Variants in FAT3 observed in about 807,000 individuals in gnomAD.
FAT3 encodes FAT atypical cadherin 3.
A neutral mutation model predicts 310.2 loss-of-function variants in FAT3; 95 were observed. The observed-to-expected ratio is 0.31, with a 90% CI of 0.26 to 0.36. The LOEUF is 0.36. Ranked by LOEUF, FAT3 falls within the 10% of genes least tolerant of loss-of-function variation. FAT3 has a pLI of 1.00. For missense variants in FAT3, 5,408 were observed against 5,715.6 expected (o/e 0.95, Z 1.74); for synonymous variants, 2,314 against 2,192.9 (o/e 1.06, Z -1.54).
chr11:92,374,006 C>T (rs545857540), intron 2 of FAT3, among the ~76,000 whole-genome samples: 54 of 142,074 alleles, frequency 3.8e-4, no homozygotes, highest in African/African-American at 1.4e-3. Flanking sequence ...AGTCTGTGGC[C>T]AAAGGACTCT....
chr11:92,459,339 A>G (rs142930186), intron 2 of FAT3, among the ~76,000 whole-genome samples: 47 of 152,272 alleles, frequency 3.1e-4, no homozygotes, highest in Non-Finnish European at 6.3e-4. Flanking sequence ...CTGCTCCTGT[A>G]GTGCCCAGGA....
Position 92,442,142 on chromosome 11 carries a change from C to G in FAT3, c.3293-82492C>G, listed in dbSNP as rs1264459235. Among the ~76,000 whole-genome samples the G allele has an allele frequency of 1.1e-4, 7 of 64,768 alleles. No individual in the cohort carries two copies. In the Admixed American group the frequency reaches 1.2e-3, roughly 11 times the overall value. 42.5% of individuals were successfully genotyped at this position (64,768 alleles called of 152,430 possible). On this transcript the variant is annotated intron_variant, in intron 2 of 27. Transcript: ENST00000525166. ...TTTTTTTTTTTTTTTGAGATGGAGT[C>G]TCTCTCTGTTGCCCAGGCTGGAGTG...
At chr11:92,304,384 C>T (rs1947070146) in intron 1 of FAT3, among the ~76,000 whole-genome samples, 1 of 152,034 alleles carries the variant, frequency 6.6e-6, no homozygotes, top group East Asian at 1.9e-4. Flanking sequence ...TTTACAGTTT[C>T]AGGGAGGGAT....
chr11:92,389,882 G>A (rs957950428), intron 2 of FAT3, among the ~76,000 whole-genome samples: 24 of 152,010 alleles, frequency 1.6e-4, no homozygotes, highest in Admixed American at 1.3e-3. Flanking sequence ...TTTTTACCCC[G>A]TCTTATGTAT....
At chr11:92,235,694 G>C (rs1378793263) in intron 1 of FAT3, among the ~76,000 whole-genome samples, 1 of 152,198 alleles carries the variant, frequency 6.6e-6, no homozygotes, top group Non-Finnish European at 1.5e-5. Flanking sequence ...GTACTGCAAA[G>C]ATATATTACT....
chr11:92,657,770 A>G (rs1591573701), intron 3 of FAT3, among the ~76,000 whole-genome samples: 2 of 152,374 alleles, frequency 1.3e-5, no homozygotes, highest in East Asian at 1.9e-4. Context: ...CTAAATTAGT[A>G]GAAACTGGAT....
Position 92,533,684 on chromosome 11 carries a change from G to T in FAT3, c.3607+8736G>T, listed in dbSNP as rs747670839. Among the ~76,000 whole-genome samples, 64 of 152,222 alleles carry T rather than the reference G, an allele frequency of 4.2e-4. 2 individuals carry two copies. Among genetic ancestry groups the T allele is most frequent in the Non-Finnish European group, 6.5e-4 (44 of 68,004 alleles). The stretch of plus-strand genomic sequence containing the variant: ...TGACCTGGCTGGGACCTTCCCCAAC[G>T]CAGGGGCAGCTCACAGGCACTTCCA... On this transcript the variant is annotated intron_variant, in intron 3 of 27. Transcript: ENST00000525166.
At chr11:92,882,549 C>T (rs12224637) in intron 23 of FAT3, among the ~76,000 whole-genome samples, 189 bp from the exon 24 acceptor site, 105,109 of 142,360 alleles carry the variant, frequency 0.74, 39,678 homozygotes, top group African/African-American at 0.87. Flanking sequence ...ACTTGGGGAC[C>T]ACAGTGGCCA....
chr11:92,890,356 T>A, intron 27 of FAT3, 135 bp from the exon 28 acceptor site: 1 of 1,076,792 alleles, frequency 9.3e-7, no homozygotes, highest in Non-Finnish European at 1.3e-6. Flanking sequence ...GCTGGCCCCA[T>A]AGACCCTTGT....
chr11:92,513,171 CTG>C (rs1464043483), intron 2 of FAT3, among the ~76,000 whole-genome samples: 2 of 149,722 alleles, frequency 1.3e-5, no homozygotes, highest in East Asian at 3.9e-4. Context: ...CTACTAATCT[CTG>C]TTCATGCCAT....
At chr11:92,724,404 C>T (rs957543458) in intron 4 of FAT3, among the ~76,000 whole-genome samples, 1 of 152,176 alleles carries the variant, frequency 6.6e-6, no homozygotes, top group Non-Finnish European at 1.5e-5. Context: ...AAGCAAGTTA[C>T]TAAGCCATCC....
intron 2 of FAT3, among the ~76,000 whole-genome samples, chr11:92,509,869 A>G (rs184546203): frequency 3.3e-4 from 51 of 152,326 alleles, no homozygotes; most frequent in Middle Eastern, 3.4e-3. Context: ...CATAATCAGC[A>G]CTTTAAAAAC....
intron 2 of FAT3, among the ~76,000 whole-genome samples, chr11:92,519,971 ATT>A (rs1458259145): frequency 6.6e-6 from 1 of 152,172 alleles, no homozygotes; most frequent in Non-Finnish European, 1.5e-5. Flanking sequence ...TGATATAGTC[ATT>A]CTTACCCCTA....
chr11:92,844,575 A>C lies in FAT3; in HGVS notation c.11208A>C (p.Ser3736=), dbSNP rs1190204652. 6.2e-7 allele frequency: 1 copy of C among 1,614,004 alleles called. No individual in the cohort carries two copies. Among genetic ancestry groups the C allele is most frequent in the East Asian group, 2.2e-5 (1 of 44,886 alleles). The change falls in exon 19 of 28, where the codon TCA becomes TCC. Residue 3736 remains serine, a synonymous_variant. Coordinates refer to ENST00000525166, the MANE Select transcript of FAT3 (RefSeq NM_001367949.2). ...RRHLENIMRI[S]AILEKNCSGL... is the part of the protein sequence containing the mutation. ...ACCTGGAGAATATCATGCGCATCTCAGCCATCTTGGAGAAGAACTGCTCAG... is the reference window on the plus strand; with the variant it reads ...ACCTGGAGAATATCATGCGCATCTCCGCCATCTTGGAGAAGAACTGCTCAG...
intron 1 of FAT3, among the ~76,000 whole-genome samples, chr11:92,263,938 A>G (rs1865668903): frequency 6.6e-6 from 1 of 152,226 alleles, no homozygotes; most frequent in East Asian, 1.9e-4. Context: ...GCATTACGCT[A>G]GTGAGGCAGT....
chr11:92,524,965 A>G lies in FAT3; in HGVS notation c.3607+17A>G, dbSNP rs749030849. 7.5e-6 allele frequency: 12 copies of G among 1,601,596 alleles called. 1 individual carries two copies. The South Asian group carries it at 1.3e-4, about 18-fold the overall frequency. ...TCAAAACAGGTAAGGGAATGCTTAT[A>G]TGACTTCTTTTTAGTTTGTAGTCCA... On this transcript the variant is annotated intron_variant, in intron 3 of 27. Coordinates refer to ENST00000525166, the MANE Select transcript of FAT3 (RefSeq NM_001367949.2).
intron 4 of FAT3, among the ~76,000 whole-genome samples, chr11:92,754,240 T>C (rs1202693698): frequency 6.6e-6 from 1 of 151,994 alleles, no homozygotes; most frequent in Non-Finnish European, 1.5e-5. Flanking sequence ...TTCACAACAC[T>C]TGAGATATGG....
At chr11:92,438,862 A>G (rs959901149) in intron 2 of FAT3, among the ~76,000 whole-genome samples, 16 of 152,198 alleles carry the variant, frequency 1.1e-4, no homozygotes, top group Admixed American at 6.5e-5. Context: ...TTTAAAAGTT[A>G]TTGGGGACCT....
At position 92,762,143 on chromosome 11, in the gene FAT3, T is replaced by C. The variant is rs747424068; in HGVS notation, c.3957T>C (p.Phe1319=). 3.7e-6 allele frequency: 6 copies of C among 1,613,006 alleles called. No homozygotes were observed. Among genetic ancestry groups the C allele is most frequent in the Non-Finnish European group, 5.1e-6 (6 of 1,179,200 alleles). The stretch of plus-strand genomic sequence containing the variant: ...GGATGGTTTCTTCTAGAAAGCAGTT[T>C]ACAGCAGGCAGTTATGACATCCTAA... The part of the protein sequence containing the change: ...KTGMVSSRKQ[F]TAGSYDILTI... Residue 1319 remains phenylalanine, a synonymous_variant, in exon 5 of 28, where the codon TTT becomes TTC. Transcript: ENST00000525166.
Sources: gnomAD v4.1 joint callset for allele counts (sites outside exome capture counted in the v4.1 genomes callset) on GRCh38, gnomAD v4.1.1 for gene constraint, MANE v1.5 for transcripts, NCBI Gene and HGNC (gene_info 2026-07-23, HGNC 2026-07-21) for gene names.